SGIP1: variants seen among roughly 807,000 people sequenced by gnomAD.
SGIP1 encodes the protein SH3GL interacting endocytic adaptor 1.
A neutral mutation model predicts 107.5 loss-of-function variants in SGIP1; 38 were observed. The observed-to-expected ratio is 0.35, with a 90% CI of 0.27 to 0.46. The LOEUF (loss-of-function observed/expected upper bound fraction) is 0.46, where lower values mean the gene tolerates loss of function less well. Ranked by LOEUF, SGIP1 falls within the 20% of genes least tolerant of loss-of-function variation. The pLI, the probability that SGIP1 is intolerant of heterozygous loss-of-function variation, is 1.00. For synonymous variants in SGIP1, 365 were observed against 366.1 expected (o/e 1.00, Z 0.03); for missense variants, 929 against 1,019.5 (o/e 0.91, Z 1.21).
intron 18 of SGIP1, among the ~76,000 whole-genome samples, chr1:66,712,592 TTTTC>T (rs1226520161): frequency 6.6e-6 from 1 of 152,162 alleles, no homozygotes; most frequent in Non-Finnish European, 1.5e-5. Flanking sequence ...TTTTCTAATT[TTTTC>T]TTTCTCTTCT....
intron 16 of SGIP1, among the ~76,000 whole-genome samples, chr1:66,689,709 TTCTTG>T (rs1463048567): frequency 6.6e-6 from 1 of 152,216 alleles, no homozygotes; most frequent in Admixed American, 6.5e-5. Flanking sequence ...TTGCAGAAGT[TTCTTG>T]CCTTGTGTTT....
At chr1:66,541,321 A>G (rs2054886888) in intron 1 of SGIP1, among the ~76,000 whole-genome samples, 2 of 152,268 alleles carry the variant, frequency 1.3e-5, no homozygotes, top group South Asian at 4.1e-4. Flanking sequence ...GCATGAGTTT[A>G]TGTGATCCAT....
At chr1:66,657,572 T>A (rs2080037419) in intron 7 of SGIP1, among the ~76,000 whole-genome samples, 2 of 152,250 alleles carry the variant, frequency 1.3e-5, no homozygotes, top group East Asian at 3.9e-4. Context: ...TTTGGAGTAA[T>A]AACAGCCAGA....
intron 2 of SGIP1, among the ~76,000 whole-genome samples, chr1:66,631,629 G>C (rs548322331): frequency 6.6e-6 from 1 of 151,442 alleles, no homozygotes; most frequent in Admixed American, 6.6e-5. Flanking sequence ...AGTCCAGATG[G>C]CATCCTACCA....
At chr1:66,534,783 A>C (rs1369365207) in intron 1 of SGIP1, among the ~76,000 whole-genome samples, 3 of 152,264 alleles carry the variant, frequency 2.0e-5, no homozygotes, top group Non-Finnish European at 2.9e-5. Context: ...TAACAGAGTT[A>C]TCCATACAGA....
chr1:66,661,251 C>G (rs1216387780), intron 8 of SGIP1, among the ~76,000 whole-genome samples: 2 of 152,186 alleles, frequency 1.3e-5, no homozygotes. Flanking sequence ...TGATGCATGG[C>G]TGACAGAGGT....
chr1:66,678,781 A>G (rs1571702265), intron 13 of SGIP1, among the ~76,000 whole-genome samples: 1 of 152,222 alleles, frequency 6.6e-6, no homozygotes, highest in African/African-American at 2.4e-5. Flanking sequence ...AGTGGAAGGT[A>G]CCAGCAAGCG....
intron 1 of SGIP1, among the ~76,000 whole-genome samples, chr1:66,567,405 C>T (rs1356417013): frequency 1.3e-5 from 2 of 151,962 alleles, no homozygotes; most frequent in African/African-American, 4.8e-5. Flanking sequence ...GAATATTAGA[C>T]CTTTGTCAGA....
Position 66,750,021 on chromosome 1 carries a change from CTGTGTG to C in SGIP1, c.*6933_*6938del, listed in dbSNP as rs368067462. ...TCTCTCTCTCTCTCTCTCTCTTTCT[CTGTGTG>C]TGTGTGGGGGTGTGTGTGTGTGTGT... On this transcript the variant is annotated 3_prime_UTR_variant, in exon 25 of 25. Transcript: ENST00000371037. Among the ~76,000 whole-genome samples, 1 of 137,624 alleles carries C rather than the reference CTGTGTG, an allele frequency of 7.3e-6. No individual in the cohort carries two copies. Among genetic ancestry groups the C allele is most frequent in the Non-Finnish European group, 1.6e-5 (1 of 64,122 alleles). 90.3% of individuals were successfully genotyped at this position (137,624 alleles called of 152,430 possible). A position where few individuals can be genotyped will look rare whatever the true frequency, so the allele number is the denominator to read the frequency against.
intron 1 of SGIP1, among the ~76,000 whole-genome samples, chr1:66,546,492 G>A (rs2056420186): frequency 5.3e-5 from 8 of 152,168 alleles, no homozygotes; most frequent in Admixed American, 5.2e-4. Flanking sequence ...CAGACAACCT[G>A]AAGTTCCTTA....
At chr1:66,554,502 G>T (rs959544989) in intron 1 of SGIP1, among the ~76,000 whole-genome samples, 24 of 152,038 alleles carry the variant, frequency 1.6e-4, no homozygotes, top group Admixed American at 9.2e-4. Flanking sequence ...GAAAATTTTT[G>T]AGAGGTAACA....
At chr1:66,694,595 C>T in intron 17 of SGIP1, 4 of 1,016,214 alleles carry the variant, frequency 3.9e-6, no homozygotes, top group Non-Finnish European at 5.6e-6. Context: ...ATGGACATGC[C>T]CTCACCTCAT....
intron 13 of SGIP1, among the ~76,000 whole-genome samples, chr1:66,677,648 G>A (rs2085692774): frequency 6.6e-6 from 1 of 152,210 alleles, no homozygotes; most frequent in Non-Finnish European, 1.5e-5. Context: ...CATGACCCAG[G>A]CGTCTGGGAA....
In SGIP1 at chr1:66,650,942, C is replaced by T. The variant is rs187327710; in HGVS notation, c.459+7223C>T. Among the ~76,000 whole-genome samples the T allele has an allele frequency of 8.1e-4, 123 of 152,156 alleles. 1 individual carries two copies. Among genetic ancestry groups the T allele is most frequent in the African/African-American group, 2.8e-3 (115 of 41,508 alleles). ...GAACTAAGTTTGCATTCTGACTTTC[C>T]GTTTATTATCCATGTAGCCCTGAGC... On this transcript the variant is annotated intron_variant, in intron 7 of 24. Coordinates refer to ENST00000371037, the MANE Select transcript of SGIP1 (RefSeq NM_032291.4).
chr1:66,567,449 A>G (rs2059806391), intron 1 of SGIP1, among the ~76,000 whole-genome samples: 1 of 152,064 alleles, frequency 6.6e-6, no homozygotes. Context: ...CCCATTCTGT[A>G]TGTTGCCTGA....
intron 1 of SGIP1, among the ~76,000 whole-genome samples, chr1:66,561,677 A>C (rs2058969756): frequency 1.3e-5 from 2 of 152,022 alleles, no homozygotes; most frequent in Non-Finnish European, 1.5e-5. Context: ...AAAATACTAC[A>C]TTCATGGCAC....
chr1:66,544,022 T>A (rs930903157), intron 1 of SGIP1, among the ~76,000 whole-genome samples: 1 of 152,198 alleles, frequency 6.6e-6, no homozygotes, highest in Non-Finnish European at 1.5e-5. Context: ...CTATTGGGTG[T>A]TACTTGTGGA....
chr1:66,705,349 T>C (rs2092393825), intron 18 of SGIP1, among the ~76,000 whole-genome samples: 1 of 152,186 alleles, frequency 6.6e-6, no homozygotes, highest in Non-Finnish European at 1.5e-5. Context: ...TGACTTCCCC[T>C]AAGATCTGAT....
intron 7 of SGIP1, among the ~76,000 whole-genome samples, chr1:66,659,174 T>A (rs546148181): frequency 6.6e-6 from 1 of 152,284 alleles, no homozygotes; most frequent in East Asian, 1.9e-4. Context: ...ACTTCACTAT[T>A]TTTGGAAAAT....
Sources: gnomAD v4.1 joint callset for allele counts (sites outside exome capture counted in the v4.1 genomes callset) on GRCh38, gnomAD v4.1.1 for gene constraint, MANE v1.5 for transcripts, NCBI Gene and HGNC (gene_info 2026-07-23, HGNC 2026-07-21) for gene names.